Variants in FAF1 observed in about 807,000 individuals in gnomAD.
FAF1 encodes FAS-associated factor 1.
A neutral mutation model predicts 92.5 loss-of-function variants in FAF1; 25 were observed. The observed-to-expected ratio is 0.27, with a 90% CI of 0.20 to 0.38. The LOEUF is 0.38. Among genes scored for constraint, FAF1 ranks in the 10% least tolerant of loss-of-function variants. The pLI, the probability that FAF1 is intolerant of heterozygous loss-of-function variation, is 1.00. For missense variants in FAF1, 636 were observed against 793.3 expected, an observed-to-expected ratio of 0.80 and a Z score of 2.38; for synonymous variants, 234 against 273.2, an observed-to-expected ratio of 0.86 and a Z score of 1.42.
chr1:50,510,830 T>C (rs1557975287), intron 15 of FAF1, among the ~76,000 whole-genome samples: 1 of 152,160 alleles, frequency 6.6e-6, no homozygotes, highest in Non-Finnish European at 1.5e-5. Context: ...AGATTACATG[T>C]AGAGGAAAAA....
chr1:50,930,639 T>C (rs192985422), intron 1 of FAF1, among the ~76,000 whole-genome samples: 1 of 152,160 alleles, frequency 6.6e-6, no homozygotes, highest in Admixed American at 6.5e-5. Flanking sequence ...ATCGAGACCA[T>C]CCTGGCTAAC....
intron 4 of FAF1, among the ~76,000 whole-genome samples, chr1:50,746,278 A>C (rs1569874422): frequency 4.9e-5 from 1 of 20,352 alleles, no homozygotes; most frequent in Admixed American, 6.8e-4. Context: ...ATATATATAT[A>C]TATATATATA....
intron 8 of FAF1, among the ~76,000 whole-genome samples, chr1:50,641,077 C>T (rs1379906633): frequency 6.6e-6 from 1 of 152,114 alleles, no homozygotes; most frequent in Non-Finnish European, 1.5e-5. Context: ...CATGATCCAC[C>T]TGCCTCAGCC....
In FAF1 at chr1:50,702,101, A is replaced by G. The variant is rs530139389; in HGVS notation, c.657+3685T>C. ...AGAAAACAATATTTTGCCTAACAGA[A>G]GCTTCTGCAGTAGTAAGGCCGATAA... is the stretch of plus-strand genomic sequence containing the variant. On this transcript the variant is annotated intron_variant, in intron 7 of 18. Transcript: ENST00000396153. 3.9e-5 allele frequency among the ~76,000 whole-genome samples: 6 copies of G among 152,232 alleles called. No individual in the cohort carries two copies. In the South Asian group the frequency reaches 1.2e-3, roughly 32 times the overall value.
intron 1 of FAF1, among the ~76,000 whole-genome samples, chr1:50,897,454 T>C (rs1380215197): frequency 6.6e-6 from 1 of 152,248 alleles, no homozygotes; most frequent in African/African-American, 2.4e-5. Context: ...ATTTTTTAAG[T>C]GGCCAGCTGA....
intron 7 of FAF1, among the ~76,000 whole-genome samples, chr1:50,703,790 C>G (rs946236436): frequency 2.0e-5 from 3 of 152,108 alleles, no homozygotes; most frequent in Non-Finnish European, 4.4e-5. Flanking sequence ...ACAGTTTCAG[C>G]CAACTGTGGC....
Position 50,857,937 on chromosome 1 carries a change from C to T in FAF1, c.106G>A (p.Asp36Asn), listed in dbSNP as rs754603430. Residue 36 changes from aspartate (D) to asparagine (N), a missense_variant, in exon 2 of 19, where the codon GAC becomes AAC. Coordinates refer to ENST00000396153, the MANE Select transcript of FAF1 (RefSeq NM_007051.3). ...AAGAAAAAAGTACTTACCACTAAGT[C>T]CCAATTATTTTGTTCAAGCAATGTA... ...AITLLEQNNW[D>N]LVAAINGVIP... is the part of the protein sequence containing the mutation. 6.3e-7 allele frequency: 1 copy of T among 1,592,694 alleles called. No individual in the cohort carries two copies.
intron 7 of FAF1, among the ~76,000 whole-genome samples, chr1:50,697,650 T>G (rs1458669815): frequency 6.6e-6 from 1 of 152,196 alleles, no homozygotes; most frequent in East Asian, 1.9e-4. Flanking sequence ...AATGAGCAGA[T>G]GCTTTTGCCT....
chr1:50,927,311 T>G (rs553993619), intron 1 of FAF1, among the ~76,000 whole-genome samples: 91 of 152,294 alleles, frequency 6.0e-4, no homozygotes, highest in African/African-American at 2.1e-3. Context: ...CCAAGCGTGG[T>G]GGCTCACACC....
At chr1:50,850,006 A>G (rs900295143) in intron 2 of FAF1, among the ~76,000 whole-genome samples, 3 of 151,830 alleles carry the variant, frequency 2.0e-5, no homozygotes, top group Admixed American at 2.0e-4. Flanking sequence ...AAGAGGCAAC[A>G]AAATAGTGTC....
chr1:50,556,547 G>T (rs1376954988), intron 13 of FAF1, among the ~76,000 whole-genome samples: 3 of 152,026 alleles, frequency 2.0e-5, no homozygotes, highest in Non-Finnish European at 4.4e-5. Flanking sequence ...AATTTAAAAA[G>T]AAAATTGGCC....
intron 12 of FAF1, among the ~76,000 whole-genome samples, chr1:50,580,024 G>A (rs917694727): frequency 3.5e-4 from 54 of 152,184 alleles, no homozygotes; most frequent in Non-Finnish European, 7.1e-4. Context: ...GAAGTTTTTA[G>A]GGGTAAAGTA....
intron 1 of FAF1, among the ~76,000 whole-genome samples, chr1:50,892,318 T>C (rs1477638724): frequency 4.6e-5 from 7 of 152,224 alleles, no homozygotes; most frequent in African/African-American, 1.7e-4. Flanking sequence ...GGTGAGATGA[T>C]GCCTCACCCT....
At chr1:50,630,967 T>TA (rs1653756112) in intron 8 of FAF1, among the ~76,000 whole-genome samples, 1 of 151,598 alleles carries the variant, frequency 6.6e-6, no homozygotes, top group African/African-American at 2.4e-5. Context: ...CATGCCCGGC[T>TA]AATTTTTGTA....
intron 1 of FAF1, among the ~76,000 whole-genome samples, chr1:50,906,150 T>G (rs1375062757): frequency 3.3e-5 from 5 of 152,268 alleles, no homozygotes; most frequent in Admixed American, 6.5e-5. Context: ...TTTCCCCATT[T>G]CTTGTTTTTA....
At chr1:50,580,835 G>T (rs1448201640) in intron 12 of FAF1, among the ~76,000 whole-genome samples, 1 of 152,156 alleles carries the variant, frequency 6.6e-6, no homozygotes, top group Admixed American at 6.5e-5. Flanking sequence ...GCAGTGGCAT[G>T]ATCTTGGCTC....
chr1:50,459,452 C>T (rs140262197), intron 18 of FAF1, among the ~76,000 whole-genome samples: 1 of 152,222 alleles, frequency 6.6e-6, no homozygotes, highest in African/African-American at 2.4e-5. Flanking sequence ...TCAACAAATC[C>T]CAAAGTGAAC....
intron 2 of FAF1, among the ~76,000 whole-genome samples, chr1:50,833,931 T>C (rs1304669318): frequency 1.3e-5 from 2 of 152,222 alleles, no homozygotes; most frequent in African/African-American, 4.8e-5. Context: ...CTCTCTTAAC[T>C]GGTCTCTCTG....
chr1:50,887,842 G>C (rs1032375201), intron 1 of FAF1, among the ~76,000 whole-genome samples: 2 of 152,196 alleles, frequency 1.3e-5, no homozygotes, highest in South Asian at 4.1e-4. Flanking sequence ...TTTGGCTTAG[G>C]ATTGTCTTGG....
Sources: allele counts gnomAD v4.1 joint callset (sites outside exome capture counted in the v4.1 genomes callset), GRCh38; gene constraint gnomAD v4.1.1; transcripts MANE v1.5; gene names NCBI Gene and HGNC (gene_info 2026-07-23, HGNC 2026-07-21).